Variants in GRK5 observed in about 807,000 individuals in gnomAD.
GRK5 encodes G protein-coupled receptor kinase 5.
Under a neutral mutation model 78.4 loss-of-function variants are expected in GRK5, and 40 were observed. The ratio of observed to expected loss-of-function variants is 0.51; its 90% CI spans 0.40 to 0.66. The LOEUF is 0.66. Ranked by LOEUF, GRK5 falls within the 30% of genes least tolerant of loss-of-function variation. GRK5 has a pLI of 0.00. For missense variants in GRK5, 598 were observed against 759.9 expected, an observed-to-expected ratio of 0.79 and a Z score of 2.50; for synonymous variants, 289 against 296.8, an observed-to-expected ratio of 0.97 and a Z score of 0.27.
chr10:119,326,469 G>C (rs376334654), intron 1 of GRK5, 47 bp from the exon 2 acceptor site: 1 of 1,507,094 alleles, frequency 6.6e-7, no homozygotes, highest in African/African-American at 1.4e-5. Context: ...CGGGGACGCC[G>C]CAGGCTCTGG....
intron 1 of GRK5, among the ~76,000 whole-genome samples, chr10:119,274,798 G>C (rs535625628): frequency 1.3e-5 from 2 of 152,302 alleles, no homozygotes; most frequent in South Asian, 2.1e-4. Flanking sequence ...AACACTGATC[G>C]GGAAGTCAGC....
At chr10:119,250,349 C>T (rs2133752429) in intron 1 of GRK5, among the ~76,000 whole-genome samples, 1 of 152,150 alleles carries the variant, frequency 6.6e-6, no homozygotes, top group South Asian at 2.1e-4. Context: ...TCCCTAATTC[C>T]AGGAAGGATA....
chr10:119,313,218 GTGACGGTAGTGA>G (rs1278702383), intron 1 of GRK5, among the ~76,000 whole-genome samples: 3 of 148,188 alleles, frequency 2.0e-5, no homozygotes, highest in East Asian at 2.4e-4. Context: ...AGTGGTGGTG[GTGACGGTAGTGA>G]TGATGGTGGT....
chr10:119,414,166 G>C (rs1442681117), intron 4 of GRK5, among the ~76,000 whole-genome samples: 2 of 152,190 alleles, frequency 1.3e-5, no homozygotes, highest in Admixed American at 6.5e-5. Flanking sequence ...TGTCCACGTT[G>C]GGAAATTGCA....
chr10:119,276,269 C>T (rs1342408582), intron 1 of GRK5, among the ~76,000 whole-genome samples: 1 of 151,822 alleles, frequency 6.6e-6, no homozygotes, highest in African/African-American at 2.4e-5. Flanking sequence ...CCTCCCCCCT[C>T]CTCCCACCCC....
chr10:119,447,186 T>G (rs907706319), intron 12 of GRK5, among the ~76,000 whole-genome samples: 1 of 152,116 alleles, frequency 6.6e-6, no homozygotes, highest in African/African-American at 2.4e-5. Context: ...CATAGCCTCA[T>G]CCCGTCTCAC....
intron 2 of GRK5, among the ~76,000 whole-genome samples, chr10:119,327,707 C>T (rs11198881): frequency 0.069 from 10,469 of 152,260 alleles, 932 homozygotes; most frequent in African/African-American, 0.21. Flanking sequence ...CAGGCTTGCT[C>T]CGTCCTGGCC....
At chr10:119,246,011 C>A (rs1226376106) in intron 1 of GRK5, among the ~76,000 whole-genome samples, 1 of 108,074 alleles carries the variant, frequency 9.3e-6, no homozygotes, top group Non-Finnish European at 1.7e-5. Context: ...CAGAGCGAGA[C>A]TCCATCTCAA....
chr10:119,338,134 G>C (rs1212585357), intron 2 of GRK5, among the ~76,000 whole-genome samples: 1 of 152,206 alleles, frequency 6.6e-6, no homozygotes, highest in Non-Finnish European at 1.5e-5. Context: ...TGGAGTTAAA[G>C]GTAGAGGGGT....
intron 1 of GRK5, among the ~76,000 whole-genome samples, chr10:119,257,811 C>T (rs1053904360): frequency 6.6e-6 from 1 of 152,212 alleles, no homozygotes; most frequent in Non-Finnish European, 1.5e-5. Flanking sequence ...GTGCCTCCGA[C>T]TTGTGTGCAG....
intron 1 of GRK5, among the ~76,000 whole-genome samples, chr10:119,319,098 C>T (rs942573452): frequency 6.6e-6 from 1 of 152,190 alleles, no homozygotes. Flanking sequence ...CTGCGGGGCC[C>T]CCACCCTCCT....
rs568670429 is a variant in GRK5, at chr10:119,264,676, C to T, written c.52+56707C>T. Among the ~76,000 whole-genome samples the T allele has an allele frequency of 4.3e-4, 65 of 152,266 alleles. No homozygotes were observed. The highest frequency in any genetic ancestry group is 1.5e-3 in the African/African-American group (64 of 41,550). On this transcript the variant is annotated intron_variant, in intron 1 of 15. Coordinates refer to ENST00000392870, the MANE Select transcript of GRK5 (RefSeq NM_005308.3). The surrounding 1 kb of genome is among the most constrained non-coding windows in gnomAD (Gnocchi z 4.1). The stretch of plus-strand genomic sequence containing the variant: ...GTTCACGTTCTGTGCTTCGTGAGAT[C>T]TGAGTCCTGTGTGGGTAGCAGGGCC...
intron 2 of GRK5, among the ~76,000 whole-genome samples, chr10:119,343,887 C>T (rs1254270817): frequency 6.6e-6 from 1 of 152,158 alleles, no homozygotes; most frequent in Non-Finnish European, 1.5e-5. Context: ...TCCTCCTTCT[C>T]CAAATTCTTA....
intron 2 of GRK5, among the ~76,000 whole-genome samples, chr10:119,370,997 C>T (rs1464246389): frequency 6.7e-6 from 1 of 149,328 alleles, no homozygotes; most frequent in South Asian, 2.2e-4. Flanking sequence ...GCCTCACAAC[C>T]TTTACAATCA....
chr10:119,261,043 C>T (rs1341662960), intron 1 of GRK5, among the ~76,000 whole-genome samples: 5 of 122,838 alleles, frequency 4.1e-5, no homozygotes, highest in Admixed American at 8.2e-5. Flanking sequence ...GGCTGACCCC[C>T]CCACCTCCCT....
intron 3 of GRK5, among the ~76,000 whole-genome samples, chr10:119,383,831 G>A (rs138184802): frequency 0.015 from 2,355 of 152,280 alleles, 43 homozygotes; most frequent in Admixed American, 0.052. Context: ...TTTCTCAGAG[G>A]AGCTGTGATT....
intron 1 of GRK5, among the ~76,000 whole-genome samples, chr10:119,304,187 G>C (rs1384100120): frequency 6.6e-6 from 1 of 151,948 alleles, no homozygotes; most frequent in Admixed American, 6.5e-5. Context: ...TGAAGGACCA[G>C]AGCAGTGGGA....
At chr10:119,361,960 CAAAAAAAAAAAAAAA>C (rs71016566) in intron 2 of GRK5, among the ~76,000 whole-genome samples, 3 of 85,656 alleles carry the variant, frequency 3.5e-5, no homozygotes, top group Non-Finnish European at 4.8e-5. Context: ...GACTCTATCT[CAAAAAAAAAAAAAAA>C]AAAAAAAAAA....
At chr10:119,359,985 G>A (rs1041599017) in intron 2 of GRK5, among the ~76,000 whole-genome samples, 9 of 151,726 alleles carry the variant, frequency 5.9e-5, no homozygotes, top group Admixed American at 1.3e-4. Context: ...AGGCTGAGGA[G>A]GCGGAGGGAG....
Sources: gnomAD v4.1 joint callset for allele counts (sites outside exome capture counted in the v4.1 genomes callset) on GRCh38, gnomAD v4.1.1 for gene constraint, Gnocchi (gnomAD v3.1) non-coding constraint, MANE v1.5 for transcripts, NCBI Gene and HGNC (gene_info 2026-07-23, HGNC 2026-07-21) for gene names.